Variants in KATNAL2 observed in about 807,000 individuals in gnomAD.
The protein encoded by KATNAL2 is katanin p60 ATPase-containing subunit A-like 2.
In KATNAL2, 52 loss-of-function variants were observed where a neutral mutation model predicts 76.3. The ratio of observed to expected loss-of-function variants is 0.68; its 90% CI spans 0.55 to 0.86. KATNAL2 has a LOEUF of 0.86. Ranked by LOEUF, KATNAL2 falls within the 40% of genes least tolerant of loss-of-function variation. The pLI is 0.00. For synonymous variants in KATNAL2, 243 were observed against 244.2 expected (o/e 1.00, Z 0.05); for missense variants, 660 against 668.9 (o/e 0.99, Z 0.15).
chr18:47,066,888 T>TATATATATAC (rs11281082), intron 10 of KATNAL2, 133 bp from the exon 11 acceptor site: 22 of 75,838 alleles, frequency 2.9e-4, no homozygotes, highest in African/African-American at 9.6e-4. Flanking sequence ...TATATATATA[T>TATATATATAC]ATATAATATG....
chr18:46,953,323 G>A (rs1005304856), intron 3 of KATNAL2, among the ~76,000 whole-genome samples: 1 of 152,112 alleles, frequency 6.6e-6, no homozygotes, highest in African/African-American at 2.4e-5. Context: ...CAGTGATACA[G>A]GGTTGTCCAT....
intron 3 of KATNAL2, chr18:47,032,762 G>T: frequency 1.5e-6 from 1 of 662,902 alleles, no homozygotes; most frequent in Non-Finnish European, 2.5e-6. Flanking sequence ...ATCCAAAATA[G>T]AATTGTTCCC....
At chr18:47,062,830 T>G (rs1157965333) in intron 8 of KATNAL2, 142 bp from the exon 9 acceptor site, 1 of 565,258 alleles carries the variant, frequency 1.8e-6, no homozygotes, top group Non-Finnish European at 3.1e-6. Flanking sequence ...TTAATACTAG[T>G]GCTGGTTCTT....
intron 1 of KATNAL2, among the ~76,000 whole-genome samples, chr18:46,924,846 C>A (rs1389912213): frequency 6.6e-6 from 1 of 152,112 alleles, no homozygotes; most frequent in African/African-American, 2.4e-5. Flanking sequence ...CTCTTTGAAG[C>A]AATTGTGAAT....
chr18:47,041,873 A>G (rs889512895), intron 3 of KATNAL2, among the ~76,000 whole-genome samples: 1 of 152,130 alleles, frequency 6.6e-6, no homozygotes, highest in Non-Finnish European at 1.5e-5. Context: ...CCTCGCCAGC[A>G]TTTGCTATTT....
At chr18:46,921,629 G>A (rs1050863554) in intron 1 of KATNAL2, among the ~76,000 whole-genome samples, 14 of 151,634 alleles carry the variant, frequency 9.2e-5, no homozygotes, top group Non-Finnish European at 1.3e-4. Context: ...AGTGAAAGAT[G>A]GTAAATTTTT....
chr18:47,074,704 A>C (rs765119970), intron 13 of KATNAL2, among the ~76,000 whole-genome samples: 1 of 152,158 alleles, frequency 6.6e-6, no homozygotes, highest in Non-Finnish European at 1.5e-5. Flanking sequence ...TCAATTGAGA[A>C]TTGCCTTCCG....
intron 3 of KATNAL2, chr18:47,033,625 A>G: frequency 1.2e-6 from 2 of 1,614,154 alleles, no homozygotes; most frequent in Non-Finnish European, 1.7e-6. Context: ...GACCTCTCCC[A>G]CGTCGCTGAG....
intron 3 of KATNAL2, among the ~76,000 whole-genome samples, chr18:46,948,435 T>G (rs1377826174): frequency 6.6e-6 from 1 of 151,170 alleles, no homozygotes; most frequent in Non-Finnish European, 1.5e-5. Context: ...TCTTTTTTTT[T>G]TTTTTTGAGT....
intron 1 of KATNAL2, among the ~76,000 whole-genome samples, chr18:46,929,406 C>CAA (rs1272418903): frequency 6.6e-6 from 1 of 151,932 alleles, no homozygotes; most frequent in Non-Finnish European, 1.5e-5. Context: ...CCATGCCCAG[C>CAA]AAATTGTTGT....
chr18:47,033,974 G>T, intron 3 of KATNAL2: 1 of 1,613,436 alleles, frequency 6.2e-7, no homozygotes, highest in South Asian at 1.1e-5. Flanking sequence ...TGGACAGGAG[G>T]CAATTTCTTA....
In KATNAL2 at chr18:47,077,358, C is replaced by T; in HGVS notation, c.1108C>T (p.His370Tyr). Reference protein sequence around the residue: ...SQRGTASGGEHEGSLRMKTEL... With the variant: ...SQRGTASGGEYEGSLRMKTEL... ...CGTCTTGTCTCTCTGTAGGGGAGAA[C>T]ATGAAGGAAGCCTGCGGATGAAGAC... Residue 370 changes from histidine to tyrosine, a missense_variant, in exon 15 of 18, where the codon CAT becomes TAT. Coordinates refer to ENST00000683218, the MANE Select transcript of KATNAL2 (RefSeq NM_001387690.1). 1 of 1,612,936 alleles carries T rather than the reference C, an allele frequency of 6.2e-7. No homozygotes were observed. The highest frequency in any genetic ancestry group is 1.1e-5 in the South Asian group (1 of 91,046).
intron 1 of KATNAL2, among the ~76,000 whole-genome samples, chr18:46,940,489 A>G (rs2059216162): frequency 6.6e-6 from 1 of 152,244 alleles, no homozygotes; most frequent in African/African-American, 2.4e-5. Flanking sequence ...TACATTTTTT[A>G]GAAACATAGA....
chr18:47,032,192 G>A (rs567503039), intron 3 of KATNAL2, among the ~76,000 whole-genome samples: 3 of 152,314 alleles, frequency 2.0e-5, no homozygotes, highest in South Asian at 4.2e-4. Context: ...TTGGCTTAAC[G>A]CATGTACCAG....
At chr18:46,955,432 C>T (rs573907375) in intron 3 of KATNAL2, among the ~76,000 whole-genome samples, 120 of 151,140 alleles carry the variant, frequency 7.9e-4, no homozygotes, top group African/African-American at 2.7e-3. Flanking sequence ...TCTTGTTGAT[C>T]GGGCTGGTCT....
At chr18:46,929,416 T>C (rs2058836543) in intron 1 of KATNAL2, among the ~76,000 whole-genome samples, 1 of 151,992 alleles carries the variant, frequency 6.6e-6, no homozygotes, top group African/African-American at 2.4e-5. Context: ...CAAATTGTTG[T>C]ATTTTTAGTA....
intron 17 of KATNAL2, among the ~76,000 whole-genome samples, 162 bp from the exon 18 acceptor site, chr18:47,100,704 A>AC (rs2063420963): frequency 6.6e-6 from 1 of 152,182 alleles, no homozygotes; most frequent in South Asian, 2.1e-4. Context: ...GTTGCACGTT[A>AC]AAGAATTTTT....
At position 47,052,409 on chromosome 18, in the gene KATNAL2, C is replaced by T. The variant is rs573403076; in HGVS notation, c.123-471C>T. ...GATCTTTGGAATTTCCTTCAGTGCT[C>T]GAGACTTGTTAATGTGAATTACTTC... On this transcript the variant is annotated intron_variant, in intron 4 of 17. Transcript: ENST00000683218. Among the ~76,000 whole-genome samples the T allele has an allele frequency of 3.9e-5, 6 of 152,194 alleles. No individual in the cohort carries two copies. In the South Asian group the frequency reaches 6.2e-4, roughly 16 times the overall value.
chr18:47,022,623 T>TCAGCCCGAGTACAC, intron 3 of KATNAL2: 6 of 509,500 alleles, frequency 1.2e-5, no homozygotes, highest in Admixed American at 6.6e-5. Context: ...CACGTGCGGA[T>TCAGCCCGAGTACAC]CGGATTTTCG....
Sources: allele counts gnomAD v4.1 joint callset (sites outside exome capture counted in the v4.1 genomes callset), GRCh38; gene constraint gnomAD v4.1.1; transcripts MANE v1.5; gene names NCBI Gene and HGNC (gene_info 2026-07-23, HGNC 2026-07-21).